The following FAS variants were observed in gnomAD, a reference collection of about 807,000 sequenced individuals.
The protein encoded by FAS is Fas cell surface death receptor, also known as tumor necrosis factor receptor superfamily member 6.
Under a neutral mutation model 33.2 loss-of-function variants are expected in FAS, and 5 were observed. The ratio of observed to expected loss-of-function variants is 0.15; its 90% CI spans 0.08 to 0.32. The LOEUF (loss-of-function observed/expected upper bound fraction) is 0.32, where lower values mean the gene tolerates loss of function less well. FAS is among the 10% of genes least tolerant of loss of function. The pLI is 1.00. For missense variants in FAS, 339 were observed against 386.0 expected, an observed-to-expected ratio of 0.88 and a Z score of 1.02; for synonymous variants, 131 against 130.7, an observed-to-expected ratio of 1.00 and a Z score of -0.01.
chr10:88,964,189 C>G (rs1035151823), intron 1 of FAS, among the ~76,000 whole-genome samples: 2 of 151,982 alleles, frequency 1.3e-5, no homozygotes, highest in Non-Finnish European at 2.9e-5. Flanking sequence ...AAAGAATTCT[C>G]TCTCTATTCT....
chr10:88,997,337 C>G (rs1192425230), intron 1 of FAS, among the ~76,000 whole-genome samples: 5 of 152,160 alleles, frequency 3.3e-5, no homozygotes, highest in Non-Finnish European at 7.4e-5. Context: ...GCACTAAACT[C>G]AAAATGTAAT....
Position 88,973,274 on chromosome 10 carries a change from G to A in FAS, n.187G>A, listed in dbSNP as rs374336365. 1.2e-5 allele frequency: 20 copies of A among 1,612,328 alleles called. No individual in the cohort carries two copies. The African/African-American group carries it at 1.3e-4, about 11-fold the overall frequency. On this transcript the variant is annotated non_coding_transcript_exon_variant, in exon 2 of 4. Coordinates refer to the FAS transcript ENST00000688239. ...ATGGACCAAATGGATTCCCACTCTT[G>A]GGGATCTCTAGGTCATCATCACCAT... is the stretch of plus-strand genomic sequence containing the variant.
chr10:88,984,418 C>T (rs539829254), upstream of FAS, among the ~76,000 whole-genome samples: 18 of 152,236 alleles, frequency 1.2e-4, 1 homozygote, highest in East Asian at 3.5e-3. Context: ...TTACACCCCA[C>T]AGTCATGAAG....
At chr10:88,990,609 C>T, upstream of FAS, 2 of 683,774 alleles carry the variant, frequency 2.9e-6, no homozygotes, top group Non-Finnish European at 5.3e-6. The surrounding 1 kb of genome is among the most constrained non-coding windows in gnomAD (Gnocchi z 4.9). Flanking sequence ...GCTTCCTTCC[C>T]ATCCTCCTGA....
intron 1 of FAS, among the ~76,000 whole-genome samples, chr10:88,968,457 C>T (rs1174649128): frequency 6.6e-6 from 1 of 152,128 alleles, no homozygotes; most frequent in Non-Finnish European, 1.5e-5. Flanking sequence ...TAACTTTATC[C>T]CAAAACCAGC....
chr10:89,012,282 A>T (rs765503470), intron 7 of FAS: 9 of 527,378 alleles, frequency 1.7e-5, no homozygotes, highest in Non-Finnish European at 3.1e-5. Context: ...GGCTCAAGTG[A>T]TCCTCCTGCC....
intron 1 of FAS, among the ~76,000 whole-genome samples, chr10:88,969,559 T>C (rs982125796): frequency 6.6e-6 from 1 of 152,210 alleles, no homozygotes; most frequent in African/African-American, 2.4e-5. Flanking sequence ...AGTTTTATGT[T>C]TGCAGCATCA....
At chr10:88,983,560 G>A (rs146676863), upstream of FAS, among the ~76,000 whole-genome samples, 1,049 of 121,260 alleles carry the variant, frequency 8.7e-3, 5 homozygotes, top group South Asian at 0.018. Flanking sequence ...ATGGTAACAG[G>A]ACCTACTTTA....
intron 4 of FAS, 105 bp downstream of exon 4, chr10:89,009,102 C>A: frequency 9.3e-7 from 1 of 1,080,686 alleles, no homozygotes; most frequent in Non-Finnish European, 1.4e-6. Context: ...GGGTTCTAGT[C>A]CTGCTTTGCC....
intron 1 of FAS, chr10:88,991,188 G>C (rs537432365): frequency 3.2e-4 from 183 of 571,928 alleles, no homozygotes; most frequent in South Asian, 8.2e-4. Flanking sequence ...GGCGCTCCTC[G>C]GAGACCACTG....
intron 1 of FAS, among the ~76,000 whole-genome samples, chr10:88,991,869 G>A (rs1423787052): frequency 1.3e-5 from 2 of 152,142 alleles, no homozygotes; most frequent in African/African-American, 2.4e-5. Flanking sequence ...AAAGAGACGT[G>A]GATCCAGGAG....
upstream of FAS, among the ~76,000 whole-genome samples, chr10:88,987,799 A>C (rs964813157): frequency 6.6e-6 from 1 of 152,244 alleles, no homozygotes; most frequent in African/African-American, 2.4e-5. Context: ...AGGCCATGGC[A>C]CTTGGCTATT....
At chr10:88,990,675 T>A, upstream of FAS, 1 of 704,710 alleles carries the variant, frequency 1.4e-6, no homozygotes, top group Non-Finnish European at 2.6e-6. The surrounding 1 kb of genome is among the most constrained non-coding windows in gnomAD (Gnocchi z 4.9). Context: ...GACACACAGG[T>A]GTTCAAAGAC....
At chr10:89,009,111 C>A (rs147209237) in intron 4 of FAS, 114 bp downstream of exon 4, 2 of 1,019,698 alleles carry the variant, frequency 2.0e-6, no homozygotes, top group Non-Finnish European at 3.1e-6. Flanking sequence ...TCCTGCTTTG[C>A]CTCCAAGCAA....
chr10:88,993,213 T>G (rs1847365815), intron 1 of FAS, among the ~76,000 whole-genome samples: 1 of 152,218 alleles, frequency 6.6e-6, no homozygotes, highest in African/African-American at 2.4e-5. Context: ...TAAAAAAGTT[T>G]GAAATCCCAA....
chr10:88,978,376 G>A (rs1238277031), intron 2 of FAS, among the ~76,000 whole-genome samples: 1 of 151,736 alleles, frequency 6.6e-6, no homozygotes, highest in Non-Finnish European at 1.5e-5. Flanking sequence ...ATGTGCACAT[G>A]TACCCTAAAA....
chr10:88,978,950 T>C (rs574023933), intron 2 of FAS, among the ~76,000 whole-genome samples: 2 of 151,848 alleles, frequency 1.3e-5, no homozygotes, highest in South Asian at 4.1e-4. Flanking sequence ...AATTTACTGT[T>C]TCTGGCACTG....
Position 89,014,320 on chromosome 10 carries a change from C to T in FAS, c.878C>T (p.Thr293Ile), listed in dbSNP as rs2119447206. 6.2e-7 allele frequency: 1 copy of T among 1,613,910 alleles called. No homozygotes were observed. The highest frequency in any genetic ancestry group is 8.5e-7 in the Non-Finnish European group (1 of 1,179,920). The change falls in exon 9 of 9, where the codon ACA becomes ATA. Residue 293 changes from threonine to isoleucine, a missense_variant. Thr to Ile is a moderately conservative substitution (Grantham distance 89, BLOSUM62 -1). Transcript: ENST00000652046. ...QLHGKKEAYD[T>I]LIKDLKKANL... The stretch of plus-strand genomic sequence containing the variant: ...CATGGAAAGAAAGAAGCGTATGACA[C>T]ATTGATTAAAGATCTCAAAAAAGCC...
chr10:89,006,544 C>A (rs1444385425), intron 2 of FAS, among the ~76,000 whole-genome samples: 1 of 152,170 alleles, frequency 6.6e-6, no homozygotes, highest in Non-Finnish European at 1.5e-5. Flanking sequence ...CTAGTTATAC[C>A]ATTAACAATT....
Sources: gnomAD v4.1 joint callset for allele counts (sites outside exome capture counted in the v4.1 genomes callset) on GRCh38, gnomAD v4.1.1 for gene constraint, Gnocchi (gnomAD v3.1) non-coding constraint, MANE v1.5 for transcripts, NCBI Gene and HGNC (gene_info 2026-07-23, HGNC 2026-07-21) for gene names.